Variants in CIT observed in about 807,000 individuals in gnomAD.
The protein encoded by CIT is citron rho-interacting serine/threonine kinase.
In CIT, 79 loss-of-function variants were observed where a neutral mutation model predicts 272.7. That is an observed-to-expected ratio of 0.29 (90% confidence interval 0.24 to 0.35). CIT has a LOEUF of 0.35. Among genes scored for constraint, CIT ranks in the 10% least tolerant of loss-of-function variants. The pLI, the probability that CIT is intolerant of heterozygous loss-of-function variation, is 1.00. For synonymous variants in CIT, 948 were observed against 995.6 expected (o/e 0.95, Z 0.90); for missense variants, 1,909 against 2,618.3 (o/e 0.73, Z 5.91).
intron 2 of CIT, among the ~76,000 whole-genome samples, chr12:119,870,549 CAAAAAAAAA>C (rs57894300): frequency 1.9e-5 from 1 of 52,412 alleles, no homozygotes; most frequent in African/African-American, 6.7e-5. Context: ...GACTCCCTCT[CAAAAAAAAA>C]AAAAAAAAAA....
Position 119,876,147 on chromosome 12 carries a change from C to T in CIT, c.22G>A (p.Ala8Thr), listed in dbSNP as rs150942230. The T allele has an allele frequency of 6.2e-7, 1 of 1,613,798 alleles. No individual in the cohort carries two copies. Among genetic ancestry groups the T allele is most frequent in the African/African-American group, 1.3e-5 (1 of 75,022 alleles). ...GCACCAGCATCCAAAGGATTCCGCG[C>T]TCCATATTTGAACTTCAACATCTCC... Reference protein sequence around the residue: MLKFKYGARNPLDAGAAE... With the variant: MLKFKYGTRNPLDAGAAE... Residue 8 changes from alanine to threonine, a missense_variant, in exon 2 of 48, where the codon GCG (alanine) becomes ACG (threonine). Physicochemically the swap from Ala to Thr is moderately conservative, Grantham distance 58 (BLOSUM62 0). This residue lies in a region of CIT where 529 missense variants were observed against 549.6 expected (regional missense o/e 0.96). Coordinates refer to ENST00000392521, the MANE Select transcript of CIT (RefSeq NM_001206999.2).
intron 17 of CIT, 124 bp from the exon 18 acceptor site, chr12:119,771,034 C>T (rs776990541): frequency 3.2e-5 from 36 of 1,115,880 alleles, no homozygotes; most frequent in Middle Eastern, 2.2e-4. Context: ...CTCAGGCACC[C>T]GAAGCAACAG....
chr12:119,731,748 CTT>C (rs1958458032), intron 26 of CIT, among the ~76,000 whole-genome samples: 1 of 150,978 alleles, frequency 6.6e-6, no homozygotes, highest in Non-Finnish European at 1.5e-5. Flanking sequence ...ACTATTCCCA[CTT>C]TCTCTTCTCA....
At chr12:119,870,721 T>C (rs1482242761) in intron 2 of CIT, among the ~76,000 whole-genome samples, 1 of 152,086 alleles carries the variant, frequency 6.6e-6, no homozygotes, top group Non-Finnish European at 1.5e-5. Context: ...ACACCCATCA[T>C]TTACATATTG....
chr12:119,789,973 C>CA (rs1965170948), intron 10 of CIT, among the ~76,000 whole-genome samples: 4 of 152,072 alleles, frequency 2.6e-5, no homozygotes, highest in Admixed American at 1.3e-4. Flanking sequence ...CTCAGCCTCC[C>CA]AAAGTGCTGG....
chr12:119,787,772 GA>G (rs1248731593), intron 10 of CIT, among the ~76,000 whole-genome samples: 1 of 83,456 alleles, frequency 1.2e-5, no homozygotes, highest in Non-Finnish European at 2.7e-5. Flanking sequence ...AAAAAAAAAA[GA>G]AAAATCTGAC....
At chr12:119,700,935 ATG>A (rs1956525434) in intron 43 of CIT, 110 bp from the exon 44 acceptor site, 1 of 803,714 alleles carries the variant, frequency 1.2e-6, no homozygotes, top group Non-Finnish European at 2.1e-6. Flanking sequence ...CCCTGGCCAG[ATG>A]GGACTGACTG....
At chr12:119,795,851 C>T (rs1965691627) in intron 10 of CIT, among the ~76,000 whole-genome samples, 1 of 152,218 alleles carries the variant, frequency 6.6e-6, no homozygotes, top group Non-Finnish European at 1.5e-5. Flanking sequence ...AGATAATGCA[C>T]ATAAAGTACT....
At position 119,713,959 on chromosome 12, in the gene CIT, A is replaced by G; in HGVS notation, c.4306+238T>C. The G allele has an allele frequency of 1.6e-6, 1 of 612,278 alleles. No homozygotes were observed. The highest frequency in any genetic ancestry group is 2.9e-6 in the Non-Finnish European group (1 of 350,114). 37.9% of individuals were successfully genotyped at this position (612,278 alleles called of 1,614,324 possible). A position where few individuals can be genotyped will look rare whatever the true frequency, so the allele number is the denominator to read the frequency against. On this transcript the variant is annotated intron_variant, in intron 33 of 47. Coordinates refer to ENST00000392521, the MANE Select transcript of CIT (RefSeq NM_001206999.2). This position sits in a 1 kb window ranked among gnomAD's most constrained non-coding sequence, Gnocchi z 5.2. Reference sequence around the variant, plus strand: ...GTAGGGAGAGACCAGCCTGACAAAAAGGGGCTGGAAATTAGCAAAGCCTAA... The same window carrying G: ...GTAGGGAGAGACCAGCCTGACAAAAGGGGGCTGGAAATTAGCAAAGCCTAA...
At chr12:119,866,159 T>C (rs1458004134) in intron 3 of CIT, among the ~76,000 whole-genome samples, 2 of 152,186 alleles carry the variant, frequency 1.3e-5, no homozygotes, top group East Asian at 3.9e-4. Flanking sequence ...GGGGTTGTAT[T>C]AATCTAGATA....
chr12:119,739,733 C>A (rs1047667378), intron 24 of CIT, among the ~76,000 whole-genome samples: 1 of 152,128 alleles, frequency 6.6e-6, no homozygotes. Flanking sequence ...GCAGTTTGCA[C>A]GTATCTCATT....
chr12:119,791,360 G>A (rs1014473183), intron 10 of CIT, among the ~76,000 whole-genome samples: 1 of 152,136 alleles, frequency 6.6e-6, no homozygotes, highest in Non-Finnish European at 1.5e-5. Context: ...GACAGCTCTG[G>A]ATACCCAAGA....
chr12:119,848,240 T>C (rs897175545), intron 5 of CIT, among the ~76,000 whole-genome samples: 4 of 152,182 alleles, frequency 2.6e-5, no homozygotes, highest in African/African-American at 9.7e-5. Flanking sequence ...AAAACTTCTC[T>C]CCAGGCACTG....
Position 119,776,851 on chromosome 12 carries a change from C to G in CIT, c.1666-9G>C. ...ACTTGAGCCTGGTACTCCTAAAGAGCAGGCAATGAAATAAAAGAGAACTTT... is the reference window on the plus strand; with the variant it reads ...ACTTGAGCCTGGTACTCCTAAAGAGGAGGCAATGAAATAAAAGAGAACTTT... On this transcript the variant is annotated splice_polypyrimidine_tract_variant and intron_variant, in intron 13 of 47. Coordinates refer to ENST00000392521, the MANE Select transcript of CIT (RefSeq NM_001206999.2). 8.7e-6 allele frequency: 14 copies of G among 1,613,288 alleles called. No homozygotes were observed. The highest frequency in any genetic ancestry group is 1.2e-5 in the Non-Finnish European group (14 of 1,179,940).
rs147332625 is a variant in CIT, at chr12:119,711,812, GCTAA to G, written c.4854+362_4854+365del. On this transcript the variant is annotated intron_variant, in intron 37 of 47. Coordinates refer to ENST00000392521, the MANE Select transcript of CIT (RefSeq NM_001206999.2). ...CTACAGGTGCATGTCACCACACCTG[GCTAA>G]CTTTCTTTCTTTCTCTTTTTTTAAG... is the stretch of plus-strand genomic sequence containing the variant. Among the ~76,000 whole-genome samples the G allele has an allele frequency of 5.0e-3, 765 of 152,244 alleles. 9 individuals are homozygous for G. The highest frequency in any genetic ancestry group is 0.017 in the African/African-American group (706 of 41,532).
At chr12:119,701,299 T>TAG (rs1956556914) in intron 43 of CIT, among the ~76,000 whole-genome samples, 1 of 112,796 alleles carries the variant, frequency 8.9e-6, no homozygotes, top group Non-Finnish European at 1.8e-5. Flanking sequence ...AAAGGACAGA[T>TAG]AGAAGGATGG....
chr12:119,860,899 T>G (rs539493104), intron 3 of CIT, among the ~76,000 whole-genome samples: 7 of 150,852 alleles, frequency 4.6e-5, no homozygotes, highest in Non-Finnish European at 1.0e-4. Flanking sequence ...GGTGGGCGGA[T>G]CACCTGAGGT....
chr12:119,845,388 C>T (rs1468358478), intron 5 of CIT, among the ~76,000 whole-genome samples: 1 of 152,066 alleles, frequency 6.6e-6, no homozygotes, highest in African/African-American at 2.4e-5. Flanking sequence ...CGCAGTGGCT[C>T]ATGCCTGTAA....
At chr12:119,796,839 T>A (rs1965772785) in intron 10 of CIT, among the ~76,000 whole-genome samples, 1 of 152,166 alleles carries the variant, frequency 6.6e-6, no homozygotes, top group South Asian at 2.1e-4. Context: ...CAAGTGTCCA[T>A]AATACAGAAG....
Sources: gnomAD v4.1 joint callset for allele counts (sites outside exome capture counted in the v4.1 genomes callset) on GRCh38, gnomAD v4.1.1 for gene constraint, gnomAD v4.1.1 regional missense constraint, Gnocchi (gnomAD v3.1) non-coding constraint, MANE v1.5 for transcripts, NCBI Gene and HGNC (gene_info 2026-07-23, HGNC 2026-07-21) for gene names.